The following NOSTRIN variants were observed in gnomAD, a reference collection of about 807,000 sequenced individuals.
The protein encoded by NOSTRIN is nitric oxide synthase trafficking, also known as BM247 homolog.
In NOSTRIN, 63 loss-of-function variants were observed where a neutral mutation model predicts 59.0. The observed-to-expected ratio is 1.07, with a 90% CI of 0.87 to 1.32. The LOEUF is 1.32. NOSTRIN is among the 40% of genes most tolerant of loss of function. The pLI is 0.00. For missense variants in NOSTRIN, 512 were observed against 473.1 expected, an observed-to-expected ratio of 1.08 and a Z score of -0.76; for synonymous variants, 200 against 165.4, an observed-to-expected ratio of 1.21 and a Z score of -1.61.
chr2:168,855,500 T>C, intron 11 of NOSTRIN, 40 bp downstream of exon 11: 1 of 1,129,946 alleles, frequency 8.8e-7, no homozygotes, highest in Non-Finnish European at 1.3e-6. Context: ...AAAGGGACCA[T>C]ATGATGCTCA....
chr2:168,797,442 T>C (rs1226419641), upstream of NOSTRIN, among the ~76,000 whole-genome samples: 1 of 151,774 alleles, frequency 6.6e-6, no homozygotes, highest in Non-Finnish European at 1.5e-5. Context: ...GTAAAAGAGG[T>C]GTGTGCAATG....
At chr2:168,839,612 G>GTT (rs1687941718) in intron 7 of NOSTRIN, among the ~76,000 whole-genome samples, 1 of 152,114 alleles carries the variant, frequency 6.6e-6, no homozygotes, top group Non-Finnish European at 1.5e-5. Context: ...AGTTCCTTAA[G>GTT]TAAGAATACA....
intron 2 of NOSTRIN, among the ~76,000 whole-genome samples, chr2:168,822,691 A>G (rs1686815811): frequency 6.6e-6 from 1 of 152,262 alleles, no homozygotes; most frequent in East Asian, 1.9e-4. Context: ...TTTTAGCTAT[A>G]GATGGGTCTG....
chr2:168,850,963 T>C, intron 8 of NOSTRIN, 121 bp from the exon 9 acceptor site: 1 of 828,074 alleles, frequency 1.2e-6, no homozygotes. Context: ...GGATATGACA[T>C]AGTCAAGAGG....
At chr2:168,852,045 G>A (rs576188879) in intron 10 of NOSTRIN, among the ~76,000 whole-genome samples, 14 of 152,198 alleles carry the variant, frequency 9.2e-5, no homozygotes, top group Admixed American at 4.6e-4. Flanking sequence ...CCTACTCCCC[G>A]CAAAATGAGT....
At position 168,855,384 on chromosome 2, in the gene NOSTRIN, G is replaced by A. The variant is rs1181573041; in HGVS notation, c.888G>A (p.Glu296=). The A allele has an allele frequency of 6.2e-7, 1 of 1,608,038 alleles. No individual in the cohort carries two copies. Among genetic ancestry groups the A allele is most frequent in the South Asian group, 1.1e-5 (1 of 90,722 alleles). ...EEDPNSAMDK[E]RRKSLLKPKL... ...ATCCTAACAGTGCAATGGATAAAGAGAGACGAAAGTCTTTACTAAAACCAA... is the reference window on the plus strand; with the variant it reads ...ATCCTAACAGTGCAATGGATAAAGAAAGACGAAAGTCTTTACTAAAACCAA... The change falls in exon 11 of 16, where the codon GAG becomes GAA. Residue 296 remains glutamate (E), a synonymous_variant. Transcript: ENST00000317647.
upstream of NOSTRIN, among the ~76,000 whole-genome samples, chr2:168,800,226 G>A (rs922659347): frequency 1.3e-5 from 2 of 151,688 alleles, no homozygotes; most frequent in African/African-American, 4.8e-5. Context: ...TTACATGAGT[G>A]AGGTCAGGGG....
At position 168,835,522 on chromosome 2, in the gene NOSTRIN, G is replaced by A. The variant is rs539461831; in HGVS notation, c.504+1197G>A. Among the ~76,000 whole-genome samples the A allele has an allele frequency of 2.6e-5, 4 of 152,292 alleles. No individual in the cohort carries two copies. The East Asian group carries it at 5.8e-4, about 22-fold the overall frequency. On this transcript the variant is annotated intron_variant, in intron 7 of 15. Coordinates refer to ENST00000317647, the MANE Select transcript of NOSTRIN (RefSeq NM_001039724.4). ...GACATTTTGCTGTGGATTCTTTGTG[G>A]TTAAATTGTTGGTAGTAACATCAAT...
chr2:168,810,720 G>C (rs1252237894), intron 1 of NOSTRIN, among the ~76,000 whole-genome samples: 2 of 152,150 alleles, frequency 1.3e-5, no homozygotes, highest in African/African-American at 2.4e-5. Context: ...GCAGTCTGCT[G>C]TTGCACCTCC....
chr2:168,831,262 C>G (rs551182202), intron 5 of NOSTRIN, among the ~76,000 whole-genome samples: 16 of 152,264 alleles, frequency 1.1e-4, no homozygotes, highest in African/African-American at 3.9e-4. Context: ...CTAGGCAGCT[C>G]TTGGGGTCTC....
chr2:168,832,321 C>T (rs1460114460), intron 6 of NOSTRIN, among the ~76,000 whole-genome samples: 3 of 152,152 alleles, frequency 2.0e-5, no homozygotes, highest in African/African-American at 7.2e-5. Context: ...GATCCATATG[C>T]ACAGAAGATT....
chr2:168,848,833 A>T (rs1011796837), intron 8 of NOSTRIN, among the ~76,000 whole-genome samples: 1 of 152,212 alleles, frequency 6.6e-6, no homozygotes, highest in South Asian at 2.1e-4. Flanking sequence ...TTACTTTTGC[A>T]AGATGAAAAA....
chr2:168,800,805 C>T (rs372553827), upstream of NOSTRIN, among the ~76,000 whole-genome samples: 15 of 151,504 alleles, frequency 9.9e-5, no homozygotes, highest in Admixed American at 4.0e-4. Flanking sequence ...ATGGTGGCTC[C>T]GGACAAGTTT....
chr2:168,799,668 C>G (rs1469502546), upstream of NOSTRIN, among the ~76,000 whole-genome samples: 1 of 152,140 alleles, frequency 6.6e-6, no homozygotes, highest in Non-Finnish European at 1.5e-5. Context: ...CGTCTAGAGT[C>G]TTTTATGATT....
intron 8 of NOSTRIN, among the ~76,000 whole-genome samples, chr2:168,845,789 C>CCTT (rs199794856): frequency 0.017 from 1,459 of 86,080 alleles, 42 homozygotes; most frequent in African/African-American, 0.069. Flanking sequence ...TTTTTTTCTT[C>CCTT]CTTTTTTTTT....
At chr2:168,839,900 A>AATAT (rs1199350074) in intron 7 of NOSTRIN, among the ~76,000 whole-genome samples, 9 of 123,206 alleles carry the variant, frequency 7.3e-5, no homozygotes, top group East Asian at 2.3e-4. Context: ...AAAAAAAAAA[A>AATAT]ATATATATAT....
intron 3 of NOSTRIN, among the ~76,000 whole-genome samples, chr2:168,825,713 C>T (rs181800084): frequency 1.4e-3 from 213 of 152,202 alleles, no homozygotes; most frequent in Non-Finnish European, 2.1e-3. Context: ...ATAGTTCATT[C>T]GTGGTAATTT....
intron 11 of NOSTRIN, 147 bp from the exon 12 acceptor site, chr2:168,856,543 C>T (rs1559140850): frequency 1.5e-6 from 1 of 655,366 alleles, no homozygotes. Flanking sequence ...CCACTGCACT[C>T]CAGCCTGGGT....
At chr2:168,861,705 T>C (rs1051287854) in intron 14 of NOSTRIN, among the ~76,000 whole-genome samples, 4 of 152,238 alleles carry the variant, frequency 2.6e-5, no homozygotes, top group Non-Finnish European at 5.9e-5. Context: ...ATGATGTTTT[T>C]CTCTAGACTT....
Sources: gnomAD v4.1 joint callset for allele counts (sites outside exome capture counted in the v4.1 genomes callset) on GRCh38, gnomAD v4.1.1 for gene constraint, MANE v1.5 for transcripts, NCBI Gene and HGNC (gene_info 2026-07-23, HGNC 2026-07-21) for gene names.